FANCL: variants seen among roughly 807,000 people sequenced by gnomAD.
FANCL encodes the protein E3 ubiquitin-protein ligase FANCL.
FANCL carries 69 observed loss-of-function variants against 59.4 expected under a neutral mutation model. That is an observed-to-expected ratio of 1.16 (90% CI 0.96 to 1.42). The LOEUF is 1.42. FANCL is among the 40% of genes most tolerant of loss of function. The probability of loss-of-function intolerance (pLI) is 0.00; values close to 1 mark genes in which losing one functional copy is unlikely to be tolerated. For synonymous variants in FANCL, 180 were observed against 147.1 expected (o/e 1.22, Z -1.62); for missense variants, 519 against 447.2 (o/e 1.16, Z -1.45).
chr2:58,182,478 G>A (rs1352740876), intron 7 of FANCL, among the ~76,000 whole-genome samples: 7 of 151,638 alleles, frequency 4.6e-5, no homozygotes, highest in Admixed American at 2.6e-4. Context: ...TTTGACTTTC[G>A]TTGTTAATGT....
Position 58,160,158 on chromosome 2 carries a change from T to C in FANCL, c.1042A>G (p.Ser348Gly), listed in dbSNP as rs766758036. ...LYEWLRGLLT[S>G]RQSFNIIFGE... is the part of the protein sequence containing the mutation. ...AATATGATGTTAAAACTCTGTCTAC[T>C]AGTTAGTAGTCCTCTCAGCCACTGC... Residue 348 changes from serine (S) to glycine (G), a missense_variant, in exon 13 of 14, where the codon AGT (serine) becomes GGT (glycine). By Grantham distance (56) the Ser-to-Gly change is moderately conservative (BLOSUM62 0). Coordinates refer to ENST00000233741, the MANE Select transcript of FANCL (RefSeq NM_018062.4). 1.9e-6 allele frequency: 3 copies of C among 1,612,936 alleles called. No individual in the cohort carries two copies. The East Asian group carries it at 6.7e-5, about 36-fold the overall frequency.
intron 5 of FANCL, among the ~76,000 whole-genome samples, chr2:58,217,658 C>T (rs1267832146): frequency 6.6e-6 from 1 of 151,838 alleles, no homozygotes; most frequent in Non-Finnish European, 1.5e-5. Context: ...AATTATAAAT[C>T]TGTATGTACC....
chr2:58,219,626 T>C (rs962263936), intron 5 of FANCL, among the ~76,000 whole-genome samples: 4 of 151,916 alleles, frequency 2.6e-5, no homozygotes, highest in African/African-American at 9.7e-5. Context: ...CATGTACCCT[T>C]GATATGAAGA....
Position 58,159,527 on chromosome 2 carries a change from C to G in FANCL, c.*238G>C. On this transcript the variant is annotated 3_prime_UTR_variant, in exon 14 of 14. Transcript: ENST00000233741. ...AGATCTCCATCTTGGTATAAATACA[C>G]TTCCACAGTCAGCACGGGGATCACA... The G allele has an allele frequency of 6.2e-7, 1 of 1,613,796 alleles. No individual in the cohort carries two copies. Among genetic ancestry groups the G allele is most frequent in the South Asian group, 1.1e-5 (1 of 91,068 alleles).
At chr2:58,168,760 G>A (rs1288739339) in intron 7 of FANCL, among the ~76,000 whole-genome samples, 4 of 152,032 alleles carry the variant, frequency 2.6e-5, no homozygotes, top group Non-Finnish European at 5.9e-5. Flanking sequence ...AAGCTTGGTG[G>A]GGGAAGGGAC....
Position 58,159,346 on chromosome 2 carries a change from T to A in FANCL, c.*419A>T. The A allele has an allele frequency of 6.3e-7, 1 of 1,588,840 alleles. No individual in the cohort carries two copies. The highest frequency in any genetic ancestry group is 2.2e-5 in the East Asian group (1 of 44,706). On this transcript the variant is annotated 3_prime_UTR_variant, in exon 14 of 14. Coordinates refer to ENST00000233741, the MANE Select transcript of FANCL (RefSeq NM_018062.4). ...CTAAACTATATATGTATTTTTTCCA[T>A]AGGAAAGCACAAGGAGAAGACAGAA...
At chr2:58,175,029 T>G (rs187275051) in intron 7 of FANCL, among the ~76,000 whole-genome samples, 1 of 151,442 alleles carries the variant, frequency 6.6e-6, no homozygotes, top group Non-Finnish European at 1.5e-5. Context: ...AACTAGAAAA[T>G]CTAGAAGAAA....
intron 1 of FANCL, among the ~76,000 whole-genome samples, chr2:58,232,478 A>T (rs1018191796): frequency 2.6e-5 from 4 of 152,096 alleles, no homozygotes; most frequent in African/African-American, 9.6e-5. Context: ...AAATTCCTTC[A>T]AATTGCTTTA....
intron 10 of FANCL, 25 bp downstream of exon 10, chr2:58,163,004 A>G (rs770309872): frequency 6.2e-7 from 1 of 1,612,808 alleles, no homozygotes; most frequent in Non-Finnish European, 8.5e-7. Context: ...CCAAAAAGTA[A>G]AAATTATATT....
intron 5 of FANCL, among the ~76,000 whole-genome samples, chr2:58,217,493 TA>T (rs1384786770): frequency 6.6e-6 from 1 of 151,646 alleles, no homozygotes; most frequent in African/African-American, 2.4e-5. Context: ...AAATCTGTTT[TA>T]AAAAAATGCA....
chr2:58,181,981 A>G (rs1439065103), intron 7 of FANCL, among the ~76,000 whole-genome samples: 1 of 151,762 alleles, frequency 6.6e-6, no homozygotes, highest in Non-Finnish European at 1.5e-5. Flanking sequence ...AACCCTCTCT[A>G]AAACACACAA....
chr2:58,181,535 G>A (rs1252598777), intron 7 of FANCL, among the ~76,000 whole-genome samples: 1 of 151,964 alleles, frequency 6.6e-6, no homozygotes, highest in African/African-American at 2.4e-5. Context: ...CTGAACTCTA[G>A]TTAAATGTAT....
At position 58,178,445 on chromosome 2, in the gene FANCL, G is replaced by A. The variant is rs939173389; in HGVS notation, c.541-12571C>T. ...GTTCAACATAAGCAAATCAATAAAC[G>A]TAACCCATCACACAAACAGAACCAA... On this transcript the variant is annotated intron_variant, in intron 7 of 13. Transcript: ENST00000233741. Among the ~76,000 whole-genome samples, 11 of 152,122 alleles carry A rather than the reference G, an allele frequency of 7.2e-5. No individual in the cohort carries two copies. The South Asian group carries it at 8.3e-4, about 12-fold the overall frequency.
At chr2:58,170,712 T>C (rs1459257253) in intron 7 of FANCL, among the ~76,000 whole-genome samples, 1 of 145,252 alleles carries the variant, frequency 6.9e-6, no homozygotes, top group Non-Finnish European at 1.5e-5. Context: ...AAAAAAAGCA[T>C]GGTTTGCAAT....
chr2:58,172,335 A>G (rs941228659), intron 7 of FANCL, among the ~76,000 whole-genome samples: 1 of 152,208 alleles, frequency 6.6e-6, no homozygotes, highest in African/African-American at 2.4e-5. Context: ...TGAGCAGCCT[A>G]ACTGGGAGGC....
At chr2:58,204,109 A>G (rs371485095) in intron 6 of FANCL, 21 bp downstream of exon 6, 11 of 1,565,246 alleles carry the variant, frequency 7.0e-6, no homozygotes, top group Non-Finnish European at 8.8e-7. Flanking sequence ...GATCACAATA[A>G]CAGTTTAACG....
intron 1 of FANCL, among the ~76,000 whole-genome samples, chr2:58,238,089 T>TG (rs1251474740): frequency 6.6e-6 from 1 of 152,216 alleles, no homozygotes. Context: ...CTTGACCAAC[T>TG]GGCAGCCCAG....
intron 7 of FANCL, among the ~76,000 whole-genome samples, chr2:58,169,804 G>C (rs1448480241): frequency 6.6e-6 from 1 of 152,006 alleles, no homozygotes; most frequent in Admixed American, 6.6e-5. Flanking sequence ...AAGGATATCA[G>C]AGATTTAAGA....
At chr2:58,196,979 A>T (rs1017049393) in intron 7 of FANCL, among the ~76,000 whole-genome samples, 2 of 151,802 alleles carry the variant, frequency 1.3e-5, no homozygotes, top group South Asian at 2.1e-4. Context: ...AAATTTTTTT[A>T]AAATAAAAAA....
Sources: allele counts gnomAD v4.1 joint callset (sites outside exome capture counted in the v4.1 genomes callset), GRCh38; gene constraint gnomAD v4.1.1; transcripts MANE v1.5; gene names NCBI Gene and HGNC (gene_info 2026-07-23, HGNC 2026-07-21).